The following TPD52 variants were observed in gnomAD, a reference collection of about 807,000 sequenced individuals.
TPD52 encodes tumor protein D52, also known as prostate and colon associated protein.
Under a neutral mutation model 31.3 loss-of-function variants are expected in TPD52, and 17 were observed. The observed-to-expected ratio is 0.54, with a 90% CI of 0.37 to 0.82. TPD52 has a LOEUF of 0.82. Ranked by LOEUF, TPD52 falls within the 40% of genes least tolerant of loss-of-function variation. The pLI is 0.00. For missense variants in TPD52, 212 were observed against 240.1 expected, an observed-to-expected ratio of 0.88 and a Z score of 0.77; for synonymous variants, 83 against 89.6, an observed-to-expected ratio of 0.93 and a Z score of 0.42.
intron 1 of TPD52, among the ~76,000 whole-genome samples, chr8:80,133,345 T>C (rs1563650333): frequency 6.6e-6 from 1 of 152,164 alleles, no homozygotes; most frequent in African/African-American, 2.4e-5. Flanking sequence ...GTTCCAGGAA[T>C]AGCAGCAAGG....
At chr8:80,152,442 CAA>C (rs1361206309) in intron 1 of TPD52, among the ~76,000 whole-genome samples, 2 of 152,248 alleles carry the variant, frequency 1.3e-5, no homozygotes, top group East Asian at 3.9e-4. Context: ...ATTTAATATC[CAA>C]AAGAGTAACT....
At chr8:80,138,991 T>G (rs1363534258) in intron 1 of TPD52, among the ~76,000 whole-genome samples, 1 of 152,164 alleles carries the variant, frequency 6.6e-6, no homozygotes, top group Non-Finnish European at 1.5e-5. Flanking sequence ...CTTCCTCCAG[T>G]GCCTCCACTG....
intron 1 of TPD52, among the ~76,000 whole-genome samples, chr8:80,120,997 G>A (rs1808221364): frequency 6.6e-6 from 1 of 151,638 alleles, no homozygotes; most frequent in South Asian, 2.1e-4. Flanking sequence ...CAGGAGGATA[G>A]CTTGAACCAG....
downstream of TPD52, among the ~76,000 whole-genome samples, chr8:80,033,613 T>C (rs1372575224): frequency 3.3e-5 from 5 of 152,160 alleles, no homozygotes; most frequent in East Asian, 7.7e-4. Flanking sequence ...CATGTTACAG[T>C]TCCTTTTGCT....
intron 2 of TPD52, among the ~76,000 whole-genome samples, chr8:80,054,316 A>G (rs971711356): frequency 6.6e-6 from 1 of 152,238 alleles, no homozygotes; most frequent in Non-Finnish European, 1.5e-5. Flanking sequence ...AACTGTAAGC[A>G]GAAGCTATGA....
intron 3 of TPD52, 87 bp from the exon 4 acceptor site, chr8:80,051,715 C>T (rs1413954353): frequency 9.5e-6 from 10 of 1,053,460 alleles, no homozygotes; most frequent in Non-Finnish European, 1.2e-5. Context: ...TGGTCACCAC[C>T]TGCTGGAGAA....
In TPD52 at chr8:80,050,474, G is replaced by T. The variant is rs777679253; in HGVS notation, c.387-3C>A. The T allele has an allele frequency of 4.4e-5, 70 of 1,605,336 alleles. No individual in the cohort carries two copies. In the South Asian group the frequency reaches 5.2e-4, roughly 12 times the overall value. ...AGGAATGTGAAAAGGCTTGCAATCT[G>T]TAAGAAGCCAGAGTAAGCATTAAAA... On this transcript the variant is annotated splice_polypyrimidine_tract_variant and splice_region_variant and intron_variant, in intron 4 of 7. Transcript: ENST00000518937.
At chr8:80,165,433 G>GCTTC (rs776910872) in intron 1 of TPD52, among the ~76,000 whole-genome samples, 6 of 152,316 alleles carry the variant, frequency 3.9e-5, no homozygotes, top group Non-Finnish European at 2.9e-5. Flanking sequence ...CAGGGTGAAG[G>GCTTC]AGTTCAGGAC....
chr8:80,132,524 C>T (rs1054199374), intron 1 of TPD52, among the ~76,000 whole-genome samples: 2 of 152,056 alleles, frequency 1.3e-5, no homozygotes, highest in African/African-American at 4.8e-5. Context: ...CTATTTCATT[C>T]GGTTGCCGTG....
At chr8:80,069,677 G>GT (rs5892704) in intron 1 of TPD52, among the ~76,000 whole-genome samples, 63,804 of 151,208 alleles carry the variant, frequency 0.42, 13,911 homozygotes, top group East Asian at 0.7. Flanking sequence ...GATAAAGCAG[G>GT]TTTTTTTTTA....
chr8:80,099,828 A>G (rs1374015735), intron 1 of TPD52, among the ~76,000 whole-genome samples: 1 of 152,188 alleles, frequency 6.6e-6, no homozygotes, highest in African/African-American at 2.4e-5. Context: ...CATCTTTTTA[A>G]AATGAAACAG....
At position 80,126,136 on chromosome 8, in the gene TPD52, A is replaced by G. The variant is rs377035793; in HGVS notation, c.19+45289T>C. On this transcript the variant is annotated intron_variant, in intron 1 of 7. Transcript: ENST00000518937. Reference sequence around the variant, plus strand: ...TTGATCTTTGCTTTATTTAATATCTATATTTTGTTTCATTTATTTTGATTT... The same window carrying G: ...TTGATCTTTGCTTTATTTAATATCTGTATTTTGTTTCATTTATTTTGATTT... Among the ~76,000 whole-genome samples the G allele has an allele frequency of 1.5e-3, 225 of 152,282 alleles. 1 individual carries two copies. Among genetic ancestry groups the G allele is most frequent in the African/African-American group, 5.2e-3 (217 of 41,554 alleles).
At chr8:80,039,059 T>C (rs1431876843) in intron 7 of TPD52, among the ~76,000 whole-genome samples, 1 of 152,242 alleles carries the variant, frequency 6.6e-6, no homozygotes, top group African/African-American at 2.4e-5. Context: ...TCAGTGACCA[T>C]GGATGCAAGA....
intron 1 of TPD52, among the ~76,000 whole-genome samples, chr8:80,128,085 C>T (rs1473227970): frequency 1.3e-5 from 2 of 151,734 alleles, no homozygotes; most frequent in Non-Finnish European, 2.9e-5. Flanking sequence ...GCCAGCTGTC[C>T]GCAGTACTAT....
At chr8:80,054,427 C>A (rs1811664075) in intron 2 of TPD52, among the ~76,000 whole-genome samples, 1 of 152,044 alleles carries the variant, frequency 6.6e-6, no homozygotes, top group African/African-American at 2.4e-5. Context: ...GGGTGGACTG[C>A]CTATTTCAGA....
chr8:80,098,031 G>A (rs989034220), intron 1 of TPD52, among the ~76,000 whole-genome samples: 5 of 152,158 alleles, frequency 3.3e-5, no homozygotes, highest in South Asian at 4.1e-4. Context: ...GAATAACAAC[G>A]CCTGGATGAC....
At chr8:80,033,097 A>T (rs1291012194), downstream of TPD52, 1 of 152,308 alleles carries the variant, frequency 6.6e-6, no homozygotes. Flanking sequence ...CTGCAGCTGG[A>T]CCAGATGGAC....
intron 2 of TPD52, 58 bp from the exon 3 acceptor site, chr8:80,053,488 T>C: frequency 6.4e-7 from 1 of 1,557,970 alleles, no homozygotes; most frequent in Non-Finnish European, 8.7e-7. Context: ...AAGTTAAGAT[T>C]ATTACCACAG....
intron 6 of TPD52, 124 bp downstream of exon 6, chr8:80,044,043 G>A: frequency 1.3e-6 from 1 of 782,730 alleles, no homozygotes; most frequent in East Asian, 3.0e-5. Context: ...CTGATAGAGT[G>A]TTAAACACAC....
Sources: gnomAD v4.1 joint callset for allele counts (sites outside exome capture counted in the v4.1 genomes callset) on GRCh38, gnomAD v4.1.1 for gene constraint, MANE v1.5 for transcripts, NCBI Gene and HGNC (gene_info 2026-07-23, HGNC 2026-07-21) for gene names.